EPHA6: variants seen among roughly 807,000 people sequenced by gnomAD.
The protein encoded by EPHA6 is EPH receptor A6, also known as ephrin type-A receptor 6.
A neutral mutation model predicts 112.0 loss-of-function variants in EPHA6; 50 were observed. That is an observed-to-expected ratio of 0.45 (90% confidence interval 0.36 to 0.56). EPHA6 has a LOEUF of 0.56. EPHA6 is among the 20% of genes least tolerant of loss of function. The pLI is 0.00. For missense variants in EPHA6, 1,280 were observed against 1,417.4 expected (o/e 0.90, Z 1.56); for synonymous variants, 529 against 490.7 (o/e 1.08, Z -1.03).
chr3:97,145,761 A>G (rs181862517), intron 3 of EPHA6, among the ~76,000 whole-genome samples: 1 of 151,870 alleles, frequency 6.6e-6, no homozygotes, highest in East Asian at 1.9e-4. Context: ...ACTAGCTAAA[A>G]TAAATAGAGA....
chr3:96,926,356 G>A (rs1355632386), intron 2 of EPHA6, among the ~76,000 whole-genome samples: 4 of 152,068 alleles, frequency 2.6e-5, no homozygotes, highest in Admixed American at 1.3e-4. Context: ...ATTTGGGTGG[G>A]GACACAGAAC....
intron 5 of EPHA6, among the ~76,000 whole-genome samples, chr3:97,299,757 A>G (rs9877652): frequency 6.6e-6 from 1 of 152,172 alleles, no homozygotes; most frequent in East Asian, 1.9e-4. Flanking sequence ...TTTTCTTCTT[A>G]TAAATTGACA....
At chr3:97,060,089 C>G (rs2045971254) in intron 3 of EPHA6, among the ~76,000 whole-genome samples, 1 of 152,176 alleles carries the variant, frequency 6.6e-6, no homozygotes, top group Non-Finnish European at 1.5e-5. Context: ...CCATTGCACT[C>G]AAGCCTGGGT....
At chr3:97,612,614 G>C (rs1276186488) in intron 13 of EPHA6, 1 of 207,764 alleles carries the variant, frequency 4.8e-6, no homozygotes, top group Non-Finnish European at 1.0e-5. Context: ...TTTAGAAGTA[G>C]TGTATTTTAT....
intron 12 of EPHA6, among the ~76,000 whole-genome samples, chr3:97,599,039 T>C (rs1474994969): frequency 1.3e-5 from 2 of 150,654 alleles, no homozygotes; most frequent in Admixed American, 6.6e-5. Flanking sequence ...TTTTTTCATG[T>C]GTTTTTTGGC....
At chr3:97,200,448 G>T (rs2077550675) in intron 3 of EPHA6, among the ~76,000 whole-genome samples, 1 of 152,052 alleles carries the variant, frequency 6.6e-6, no homozygotes, top group African/African-American at 2.4e-5. Flanking sequence ...GACTATATGA[G>T]ATAGTGCATG....
chr3:96,897,013 T>C (rs2038307726), intron 2 of EPHA6, among the ~76,000 whole-genome samples: 1 of 152,118 alleles, frequency 6.6e-6, no homozygotes, highest in Non-Finnish European at 1.5e-5. Context: ...GTAATAAAAA[T>C]AGTATGATCT....
chr3:96,878,204 G>A (rs1314137765), intron 2 of EPHA6, among the ~76,000 whole-genome samples: 1 of 151,840 alleles, frequency 6.6e-6, no homozygotes, highest in African/African-American at 2.4e-5. Context: ...TATTCTTTCT[G>A]TTGATAAGCA....
chr3:97,294,898 A>G (rs2108695293), intron 5 of EPHA6, among the ~76,000 whole-genome samples: 1 of 152,174 alleles, frequency 6.6e-6, no homozygotes, highest in African/African-American at 2.4e-5. Context: ...CATTGAATAT[A>G]TTTTTCCATT....
chr3:97,247,488 A>G (rs1356367727), intron 5 of EPHA6, among the ~76,000 whole-genome samples: 2 of 151,896 alleles, frequency 1.3e-5, no homozygotes, highest in East Asian at 1.9e-4. Context: ...TTGGGGGGCC[A>G]TCTTACCAAG....
chr3:96,828,913 A>G (rs1224648236), intron 1 of EPHA6, among the ~76,000 whole-genome samples: 1 of 152,178 alleles, frequency 6.6e-6, no homozygotes, highest in Non-Finnish European at 1.5e-5. Flanking sequence ...ATGAATTTCC[A>G]TTTTTGAATG....
intron 3 of EPHA6, among the ~76,000 whole-genome samples, chr3:97,093,293 A>C (rs1228441354): frequency 6.6e-6 from 1 of 152,172 alleles, no homozygotes; most frequent in East Asian, 1.9e-4. Context: ...TCACTCCTGT[A>C]ATCCCAGCAT....
rs137943190 is a variant in EPHA6 at position 97,283,030 on chromosome 3, G to A, written c.1606+38743G>A. ...TAAAAAAGAAAGACTGGCAATGTCA[G>A]CAAGTACTCTACAGGTCAGTAATTA... On this transcript the variant is annotated intron_variant, in intron 5 of 17. Coordinates refer to ENST00000389672, the MANE Select transcript of EPHA6 (RefSeq NM_001080448.3). Among the ~76,000 whole-genome samples, 676 of 152,268 alleles carry A rather than the reference G, an allele frequency of 4.4e-3. 8 individuals are homozygous for A. Among genetic ancestry groups the A allele is most frequent in the African/African-American group, 0.015 (634 of 41,558 alleles).
intron 5 of EPHA6, among the ~76,000 whole-genome samples, chr3:97,263,007 T>C (rs1162512798): frequency 6.6e-6 from 1 of 152,230 alleles, no homozygotes; most frequent in African/African-American, 2.4e-5. Flanking sequence ...GTCTATAATT[T>C]AGACTTTACA....
intron 5 of EPHA6, among the ~76,000 whole-genome samples, chr3:97,309,668 C>T (rs921654659): frequency 3.3e-5 from 5 of 151,188 alleles, no homozygotes; most frequent in Admixed American, 3.3e-4. Flanking sequence ...TCTTTATTCC[C>T]GAAGCTACTC....
At chr3:97,324,421 C>CTTTCTTTCTT (rs1374020083) in intron 5 of EPHA6, among the ~76,000 whole-genome samples, 3 of 139,996 alleles carry the variant, frequency 2.1e-5, no homozygotes, top group South Asian at 2.3e-4. Flanking sequence ...TTCTTTCTTT[C>CTTTCTTTCTT]TTTCTTTCTT....
In EPHA6 at chr3:97,185,148, G is replaced by C. The variant is rs187727733; in HGVS notation, c.1115-41116G>C. Reference sequence around the variant, plus strand: ...CCTAGGCAATACCATTCAGGACATAGGCATGGGCAAGGACTTCATGTCTAA... The same window carrying C: ...CCTAGGCAATACCATTCAGGACATACGCATGGGCAAGGACTTCATGTCTAA... On this transcript the variant is annotated intron_variant, in intron 3 of 17. Coordinates refer to ENST00000389672, the MANE Select transcript of EPHA6 (RefSeq NM_001080448.3). Among the ~76,000 whole-genome samples, 1,212 of 152,272 alleles carry C rather than the reference G, an allele frequency of 8.0e-3. 16 individuals are homozygous for C. The highest frequency in any genetic ancestry group is 0.026 in the African/African-American group (1,081 of 41,534).
chr3:97,139,696 C>A (rs2075850510), intron 3 of EPHA6, among the ~76,000 whole-genome samples: 1 of 152,066 alleles, frequency 6.6e-6, no homozygotes, highest in Non-Finnish European at 1.5e-5. Context: ...CCCTCCCAAA[C>A]AAAAGAAAAT....
chr3:97,219,575 G>T (rs1490802743), intron 3 of EPHA6, among the ~76,000 whole-genome samples: 1 of 152,130 alleles, frequency 6.6e-6, no homozygotes, highest in African/African-American at 2.4e-5. Flanking sequence ...TGGAGTGACT[G>T]GGGTGCAGGG....
Sources: allele counts gnomAD v4.1 joint callset (sites outside exome capture counted in the v4.1 genomes callset), GRCh38; gene constraint gnomAD v4.1.1; transcripts MANE v1.5; gene names NCBI Gene and HGNC (gene_info 2026-07-23, HGNC 2026-07-21).